Variants in CYBA observed in about 807,000 individuals in gnomAD.
The protein encoded by CYBA is cytochrome b-245 light chain.
CYBA carries 21 observed loss-of-function variants against 20.8 expected under a neutral mutation model. That is an observed-to-expected ratio of 1.01 (90% CI 0.72 to 1.46). The LOEUF is 1.46. CYBA is among the 40% of genes most tolerant of loss of function. The probability of loss-of-function intolerance (pLI) is 0.00; values close to 1 mark genes in which losing one functional copy is unlikely to be tolerated. For synonymous variants in CYBA, 164 were observed against 127.5 expected (o/e 1.29, Z -1.93); for missense variants, 344 against 287.0 (o/e 1.20, Z -1.43).
At chr16:88,647,235 T>C in intron 2 of CYBA, 60 bp from the exon 3 acceptor site, 1 of 1,526,484 alleles carries the variant, frequency 6.6e-7, no homozygotes, top group Non-Finnish European at 9.0e-7. Flanking sequence ...GGGAACTCCC[T>C]TTACTGAAGA....
intron 4 of CYBA, 133 bp from the exon 5 acceptor site, chr16:88,646,330 C>T (rs565483237): frequency 3.4e-5 from 23 of 685,954 alleles, no homozygotes; most frequent in Non-Finnish European, 3.8e-5. Context: ...GTGCGCGGAC[C>T]GGGGCTTGTT....
At chr16:88,650,798 T>A in intron 1 of CYBA, 158 bp downstream of exon 1, 1 of 749,344 alleles carries the variant, frequency 1.3e-6, no homozygotes, top group Non-Finnish European at 2.3e-6. Context: ...GGCCTGAGGG[T>A]CCCGCCCCCG....
chr16:88,650,974 C>A lies in CYBA; in HGVS notation c.40G>T (p.Ala14Ser), dbSNP rs755928031. The A allele has an allele frequency of 6.3e-7, 1 of 1,596,094 alleles. No individual in the cohort carries two copies. The highest frequency in any genetic ancestry group is 2.3e-5 in the East Asian group (1 of 43,658). The change falls in exon 1 of 6, where the codon GCG (alanine) becomes TCG (serine). Residue 14 changes from alanine (A) to serine (S), a missense_variant. Physicochemically the swap from Ala to Ser is moderately conservative, Grantham distance 99. Coordinates refer to ENST00000261623, the MANE Select transcript of CYBA (RefSeq NM_000101.4). ...CACTCACTCAGGCCGGACGCCAGCG[C>A]CTGTTCGTTGGCCCACATGGCCCAC... ...IEWAMWANEQ[A>S]LASGLILITG...
At chr16:88,649,891 G>C (rs569272734) in intron 1 of CYBA, among the ~76,000 whole-genome samples, 1 of 152,316 alleles carries the variant, frequency 6.6e-6, no homozygotes, top group African/African-American at 2.4e-5. Context: ...TTCCTGTAGG[G>C]AGTGCGGGGC....
In CYBA at chr16:88,643,390, TG is replaced by T; in HGVS notation, c.550del (p.Gln184ArgfsTer7). The part of the protein sequence containing the change: ...VAAGGPPGGP[Q>X]VNPIPVTDEV... ...GTCGGTCACCGGGATGGGGTTGACC[TG>T]GGGACCTCCCGGGGGTCCCCCCGCC... On this transcript the variant is annotated frameshift_variant, in exon 6 of 6. Transcript: ENST00000261623. The surrounding 1 kb of genome is among the most constrained non-coding windows in gnomAD (Gnocchi z 4.3). The T allele has an allele frequency of 6.5e-7, 1 of 1,531,584 alleles. No individual in the cohort carries two copies. Among genetic ancestry groups the T allele is most frequent in the South Asian group, 1.2e-5 (1 of 83,080 alleles). The allele number at this position is 1,531,584 out of a possible 1,614,324, so 94.9% of individuals were successfully genotyped here.
chr16:88,650,254 C>G (rs547282051), intron 1 of CYBA: 2 of 400,808 alleles, frequency 5.0e-6, no homozygotes, highest in Non-Finnish European at 1.0e-5. Flanking sequence ...CAGCCTCACC[C>G]GTGCTGGGCC....
At chr16:88,649,391 T>C (rs1219195404) in intron 1 of CYBA, among the ~76,000 whole-genome samples, 1 of 150,592 alleles carries the variant, frequency 6.6e-6, no homozygotes, top group Non-Finnish European at 1.5e-5. Context: ...CCATGCATCT[T>C]TGGGGACCGT....
At chr16:88,645,295 G>C (rs1907238476) in intron 5 of CYBA, 1 of 702,334 alleles carries the variant, frequency 1.4e-6, no homozygotes, top group Middle Eastern at 2.3e-4. Flanking sequence ...GCAGGTCAGT[G>C]AGGCTTGAAA....
In CYBA at chr16:88,643,606, C is replaced by G; in HGVS notation, c.370-35G>C. The G allele has an allele frequency of 6.6e-7, 1 of 1,516,348 alleles. No homozygotes were observed. Among genetic ancestry groups the G allele is most frequent in the Non-Finnish European group, 8.8e-7 (1 of 1,133,296 alleles). The allele number at this position is 1,516,348 out of a possible 1,614,324, so 93.9% of individuals were successfully genotyped here. A position where few individuals can be genotyped will look rare whatever the true frequency, so the allele number is the denominator to read the frequency against. On this transcript the variant is annotated intron_variant, in intron 5 of 5. Coordinates refer to ENST00000261623, the MANE Select transcript of CYBA (RefSeq NM_000101.4). The surrounding 1 kb of genome is among the most constrained non-coding windows in gnomAD (Gnocchi z 4.3). ...ACTGAAGGGTTGAGCCGCGCCCCAG[C>G]GCCCGCCCTCCCTCCCTCCCTCCCT...
chr16:88,649,140 T>C lies in CYBA; in HGVS notation c.59-1026A>G, dbSNP rs1227764961. Among the ~76,000 whole-genome samples the C allele has an allele frequency of 3.3e-5, 5 of 150,902 alleles. No individual in the cohort carries two copies. In the East Asian group the frequency reaches 7.8e-4, roughly 24 times the overall value. On this transcript the variant is annotated intron_variant, in intron 1 of 5. Transcript: ENST00000261623. The stretch of plus-strand genomic sequence containing the variant: ...TTTTAGTAGAGACGGGGTTTCACTG[T>C]GTTAGCCAGGATGGTCTCGATCTCC...
chr16:88,650,467 C>A (rs548576748), intron 1 of CYBA: 1 of 461,346 alleles, frequency 2.2e-6, no homozygotes, highest in South Asian at 1.5e-5. Flanking sequence ...CCGCCTCCAG[C>A]GCAGACTCCA....
chr16:88,646,152 G>T lies in CYBA; in HGVS notation c.333C>A (p.Thr111=). ...TGCCGCTCGCAATGGCCAGGCAGGC[G>T]GTCCCAAGGATGGTGGCCAGCAGGA... ...AGFLLATILG[T]ACLAIASGIY... Residue 111 remains threonine, a synonymous_variant, in exon 5 of 6, where the codon ACC becomes ACA. Coordinates refer to ENST00000261623, the MANE Select transcript of CYBA (RefSeq NM_000101.4). The T allele has an allele frequency of 6.4e-7, 1 of 1,560,194 alleles. No individual in the cohort carries two copies.
At position 88,646,815 on chromosome 16, in the gene CYBA, A is replaced by G; in HGVS notation, c.227T>C (p.Val76Ala). The G allele has an allele frequency of 1.2e-6, 2 of 1,613,948 alleles. No individual in the cohort carries two copies. The highest frequency in any genetic ancestry group is 8.5e-7 in the Non-Finnish European group (1 of 1,179,966). The change falls in exon 4 of 6, where the codon GTG (valine) becomes GCG (alanine). Residue 76 changes from valine (V) to alanine (A), a missense_variant. By Grantham distance (64) the Val-to-Ala change is moderately conservative (BLOSUM62 0). Transcript: ENST00000261623. ...GGTAAAGGGCCCGAACAGCTTCACC[A>G]CGGCGGTCATGTACTTCTGTCCCCT... is the stretch of plus-strand genomic sequence containing the variant. Reference protein sequence around the residue: ...ERWGQKYMTAVVKLFGPFTRN... With the variant: ...ERWGQKYMTAAVKLFGPFTRN...
intron 1 of CYBA, 24 bp downstream of exon 1, chr16:88,650,932 C>G: frequency 6.3e-7 from 1 of 1,579,736 alleles, no homozygotes; most frequent in Non-Finnish European, 8.6e-7. Context: ...GCTGCAGCCT[C>G]CACCGTCCCT....
intron 2 of CYBA, chr16:88,647,765 G>T (rs1907342157): frequency 1.8e-6 from 1 of 548,936 alleles, no homozygotes; most frequent in South Asian, 2.0e-5. Context: ...GATCCCAGCA[G>T]TCCAACAGGG....
intron 5 of CYBA, chr16:88,644,979 G>A (rs1056009450): frequency 1.7e-6 from 1 of 598,908 alleles, no homozygotes; most frequent in East Asian, 2.8e-5. Context: ...CTCGTGCTGT[G>A]AAACTGGCAA....
intron 5 of CYBA, chr16:88,645,381 G>A (rs749490948): frequency 8.5e-6 from 6 of 702,314 alleles, no homozygotes; most frequent in South Asian, 1.5e-5. Flanking sequence ...ACTAGAAGAC[G>A]CACAGCAAGG....
At chr16:88,647,535 CA>C (rs1318755158) in intron 2 of CYBA, among the ~76,000 whole-genome samples, 1 of 152,176 alleles carries the variant, frequency 6.6e-6, no homozygotes, top group East Asian at 1.9e-4. Context: ...GACCCTGTCT[CA>C]AAAAAGGTCG....
Position 88,648,098 on chromosome 16 carries a change from G to T in CYBA, c.75C>A (p.Gly25=). ...LASGLILITG[G]IVATAGRFTQ... ...TGAAGCGCCCAGCTGTGGCCACGATGCCCCCGGTGATGAGGACTGCGGGGA... is the reference window on the plus strand; with the variant it reads ...TGAAGCGCCCAGCTGTGGCCACGATTCCCCCGGTGATGAGGACTGCGGGGA... The change falls in exon 2 of 6, where the codon GGC becomes GGA. Residue 25 remains glycine, a synonymous_variant. Coordinates refer to ENST00000261623, the MANE Select transcript of CYBA (RefSeq NM_000101.4). 1 of 1,612,582 alleles carries T rather than the reference G, an allele frequency of 6.2e-7. No homozygotes were observed.
Sources: gnomAD v4.1 joint callset for allele counts (sites outside exome capture counted in the v4.1 genomes callset) on GRCh38, gnomAD v4.1.1 for gene constraint, Gnocchi (gnomAD v3.1) non-coding constraint, MANE v1.5 for transcripts, NCBI Gene and HGNC (gene_info 2026-07-23, HGNC 2026-07-21) for gene names.